POLR1A: variants seen among roughly 807,000 people sequenced by gnomAD.
The protein encoded by POLR1A is DNA-directed RNA polymerase I subunit RPA1.
Under a neutral mutation model 205.3 loss-of-function variants are expected in POLR1A, and 84 were observed. That is an observed-to-expected ratio of 0.41 (90% CI 0.34 to 0.49). The LOEUF (loss-of-function observed/expected upper bound fraction) is 0.49. Among genes scored for constraint, POLR1A ranks in the 20% least tolerant of loss-of-function variants. POLR1A has a pLI of 0.22. For missense variants in POLR1A, 1,645 were observed against 2,204.5 expected (o/e 0.75, Z 5.08); for synonymous variants, 799 against 863.7 (o/e 0.93, Z 1.31).
At chr2:86,072,178 A>G (rs938768508) in intron 12 of POLR1A, among the ~76,000 whole-genome samples, 8 of 152,212 alleles carry the variant, frequency 5.3e-5, no homozygotes, top group African/African-American at 1.7e-4. Context: ...GCAATCTTAA[A>G]AGTACCTAGC....
intron 28 of POLR1A, 72 bp from the exon 29 acceptor site, chr2:86,032,454 C>CT (rs1446289816): frequency 8.3e-6 from 9 of 1,089,686 alleles, no homozygotes; most frequent in Non-Finnish European, 7.1e-6. Context: ...TCCATCCACC[C>CT]ACCAACCCAT....
chr2:86,032,316 C>G lies in POLR1A; in HGVS notation c.4228G>C (p.Ala1410Pro). Residue 1410 changes from alanine to proline, a missense_variant, in exon 29 of 34, where the codon GCC becomes CCC. By Grantham distance (27) the Ala-to-Pro change is conservative. Around this residue, in one of 16 missense-constraint regions of POLR1A, gnomAD observed 394 missense variants for 468.5 expected, o/e 0.84. Coordinates refer to ENST00000263857, the MANE Select transcript of POLR1A (RefSeq NM_015425.6). ...IVDAEAEEGD[A>P]DASDAKRKEK... ...TTGCGTTTGGCATCAGAGGCATCGG[C>G]GTCCCCCTCCTCAGCTTCAGCATCC... 1 of 1,613,590 alleles carries G rather than the reference C, an allele frequency of 6.2e-7. No individual in the cohort carries two copies. Among genetic ancestry groups the G allele is most frequent in the Non-Finnish European group, 8.5e-7 (1 of 1,179,498 alleles).
intron 13 of POLR1A, 57 bp downstream of exon 13, chr2:86,069,961 T>TA: frequency 6.4e-7 from 1 of 1,563,020 alleles, no homozygotes; most frequent in South Asian, 1.2e-5. Flanking sequence ...GGGCCCAACT[T>TA]AAAAGTGCTA....
In POLR1A at chr2:86,054,237, T is replaced by G. The variant is rs1269190460; in HGVS notation, c.2111A>C (p.Asn704Thr). 6.2e-7 allele frequency: 1 copy of G among 1,613,866 alleles called. No homozygotes were observed. Among genetic ancestry groups the G allele is most frequent in the Non-Finnish European group, 8.5e-7 (1 of 1,179,854 alleles). Residue 704 changes from asparagine (N) to threonine (T), a missense_variant, in exon 15 of 34, where the codon AAC becomes ACC. Physicochemically the swap from Asn to Thr is moderately conservative, Grantham distance 65. Around this residue, in one of 16 missense-constraint regions of POLR1A, gnomAD observed 339 missense variants for 415.1 expected, o/e 0.82. Transcript: ENST00000263857. ...NIIPEDHIPL[N>T]LSGKAKITGK... Reference sequence around the variant, plus strand: ...AGTGATTTTCGCCTTTCCAGATAAGTTCAGTGGGATGTGGTCCTCTGGGAT... The same window carrying G: ...AGTGATTTTCGCCTTTCCAGATAAGGTCAGTGGGATGTGGTCCTCTGGGAT...
At chr2:86,032,128 T>C (rs1022734881) in intron 29 of POLR1A, 144 bp downstream of exon 29, 10 of 656,188 alleles carry the variant, frequency 1.5e-5, no homozygotes, top group Non-Finnish European at 2.8e-5. Context: ...GAGAGAGGTA[T>C]GCTGGGCAGG....
intron 2 of POLR1A, 34 bp downstream of exon 2, chr2:86,099,934 G>A (rs1214369905): frequency 1.3e-6 from 2 of 1,575,108 alleles, no homozygotes; most frequent in Admixed American, 1.7e-5. Context: ...CCCACCAGCA[G>A]CCCGGAGACC....
intron 14 of POLR1A, among the ~76,000 whole-genome samples, chr2:86,058,400 T>C (rs1001041081): frequency 7.8e-5 from 8 of 103,116 alleles, no homozygotes; most frequent in African/African-American, 6.7e-4. Flanking sequence ...CACCCAGCCT[T>C]TTTTTTTTTT....
chr2:86,044,113 C>G (rs1307085282), intron 22 of POLR1A, 26 bp downstream of exon 22: 1 of 1,612,686 alleles, frequency 6.2e-7, no homozygotes. Flanking sequence ...TGCTCGGCCC[C>G]CAGGCTCCGG....
At chr2:86,105,670 G>A in intron 1 of POLR1A, 30 bp downstream of exon 1, 2 of 1,518,172 alleles carry the variant, frequency 1.3e-6, no homozygotes, top group Non-Finnish European at 9.2e-7. Flanking sequence ...CAAGATCCAG[G>A]CTGGGCACGC....
intron 1 of POLR1A, among the ~76,000 whole-genome samples, chr2:86,103,613 T>C (rs1673862436): frequency 6.6e-6 from 1 of 152,236 alleles, no homozygotes. Flanking sequence ...AGTGATGATA[T>C]AATTGGAATT....
rs1343836422 is a variant in POLR1A at position 86,028,927 on chromosome 2, A to T, written c.4780-216T>A. Reference sequence around the variant, plus strand: ...GCCGGGGCCCAAGGTCTGTATCGTCATTACAAGAATCCAGCGTGTCCACTT... The same window carrying T: ...GCCGGGGCCCAAGGTCTGTATCGTCTTTACAAGAATCCAGCGTGTCCACTT... On this transcript the variant is annotated intron_variant, in intron 31 of 33. Coordinates refer to ENST00000263857, the MANE Select transcript of POLR1A (RefSeq NM_015425.6). This position sits in a 1 kb window ranked among gnomAD's most constrained non-coding sequence, Gnocchi z 4.5. 2 of 537,922 alleles carry T rather than the reference A, an allele frequency of 3.7e-6. No individual in the cohort carries two copies. Among genetic ancestry groups the T allele is most frequent in the South Asian group, 5.2e-5 (2 of 38,806 alleles). 33.3% of individuals were successfully genotyped at this position (537,922 alleles called of 1,614,324 possible). A position where few individuals can be genotyped will look rare whatever the true frequency, so the allele number is the denominator to read the frequency against.
intron 2 of POLR1A, among the ~76,000 whole-genome samples, chr2:86,099,353 T>C (rs987069943): frequency 3.4e-5 from 5 of 145,296 alleles, no homozygotes; most frequent in Admixed American, 6.8e-5. Context: ...TGAGACACTG[T>C]CTTAAAAAAA....
At chr2:86,054,368 G>A (rs1278825254) in intron 14 of POLR1A, 79 bp from the exon 15 acceptor site, 4 of 1,495,814 alleles carry the variant, frequency 2.7e-6, no homozygotes, top group African/African-American at 1.4e-5. Context: ...GCAAAAAGAA[G>A]AGTTAAGAAC....
At chr2:86,096,374 C>T (rs1276480428) in intron 3 of POLR1A, among the ~76,000 whole-genome samples, 1 of 151,948 alleles carries the variant, frequency 6.6e-6, no homozygotes, top group African/African-American at 2.4e-5. Context: ...AGATTCAGTA[C>T]AATCCCTATC....
rs569541017 is a variant in POLR1A, at chr2:86,031,164, C to T, written c.4578+166G>A. 1.3e-3 allele frequency among the ~76,000 whole-genome samples: 198 copies of T among 152,256 alleles called. 1 individual carries two copies. Among genetic ancestry groups the T allele is most frequent in the Middle Eastern group, 6.8e-3 (2 of 294 alleles). On this transcript the variant is annotated intron_variant, in intron 30 of 33. Transcript: ENST00000263857. Reference sequence around the variant, plus strand: ...GGGATTAAAAAGAACAAATGACTCTCGCAGGCCCCAAACAGGAGGCCTGGC... The same window carrying T: ...GGGATTAAAAAGAACAAATGACTCTTGCAGGCCCCAAACAGGAGGCCTGGC...
Position 86,065,453 on chromosome 2 carries a change from A to AT in POLR1A, c.1878dup (p.Leu627IlefsTer102). 1 of 1,612,848 alleles carries AT rather than the reference A, an allele frequency of 6.2e-7. No homozygotes were observed. Among genetic ancestry groups the AT allele is most frequent in the Non-Finnish European group, 8.5e-7 (1 of 1,179,540 alleles). On this transcript the variant is annotated frameshift_variant, in exon 14 of 34. Transcript: ENST00000263857. LOFTEE classifies it high-confidence loss of function. Reference sequence around the variant, plus strand: ...ATGTGATCCTGGATCAGTCCCGCCAATGGTTGGCCATCCTATAAGCCAAAA... The same window carrying AT: ...ATGTGATCCTGGATCAGTCCCGCCAATTGGTTGGCCATCCTATAAGCCAAAA...
At chr2:86,065,512 AGTC>A (rs775499233) in intron 13 of POLR1A, 47 bp from the exon 14 acceptor site, 5 of 1,551,840 alleles carry the variant, frequency 3.2e-6, no homozygotes, top group Admixed American at 3.6e-5. Flanking sequence ...ATAAATCTTA[AGTC>A]AAACTCTAAT....
intron 14 of POLR1A, among the ~76,000 whole-genome samples, chr2:86,058,377 G>A (rs913383648): frequency 1.3e-5 from 2 of 149,802 alleles, no homozygotes; most frequent in East Asian, 2.0e-4. Flanking sequence ...GGGATTACAG[G>A]TGTGAGCCAC....
chr2:86,031,732 C>T, intron 29 of POLR1A, 97 bp from the exon 30 acceptor site: 1 of 1,503,562 alleles, frequency 6.7e-7, no homozygotes, highest in Non-Finnish European at 9.0e-7. Flanking sequence ...CCTTGGCTGG[C>T]CTGGGCTACC....
Sources: allele counts gnomAD v4.1 joint callset (sites outside exome capture counted in the v4.1 genomes callset), GRCh38; gene constraint gnomAD v4.1.1; regional missense constraint gnomAD v4.1.1; non-coding constraint Gnocchi (gnomAD v3.1); transcripts MANE v1.5; gene names NCBI Gene and HGNC (gene_info 2026-07-23, HGNC 2026-07-21).